Variants in KIF24 observed in about 807,000 individuals in gnomAD.
The protein encoded by KIF24 is kinesin-like protein KIF24.
KIF24 carries 81 observed loss-of-function variants against 118.9 expected under a neutral mutation model. The observed-to-expected ratio is 0.68, with a 90% CI of 0.57 to 0.82. The LOEUF (loss-of-function observed/expected upper bound fraction) is 0.82. Among genes scored for constraint, KIF24 ranks in the 40% least tolerant of loss-of-function variants. The probability of loss-of-function intolerance (pLI) is 0.00; values close to 1 mark genes in which losing one functional copy is unlikely to be tolerated. For synonymous variants in KIF24, 599 were observed against 610.0 expected (o/e 0.98, Z 0.27); for missense variants, 1,560 against 1,661.6 (o/e 0.94, Z 1.06).
intron 1 of KIF24, among the ~76,000 whole-genome samples, chr9:34,328,901 C>T (rs1174451266): frequency 1.3e-5 from 2 of 152,170 alleles, no homozygotes; most frequent in Non-Finnish European, 2.9e-5. Flanking sequence ...AAGATAATTG[C>T]TGAAGAAAAG....
At chr9:34,284,046 T>C (rs984739414) in intron 6 of KIF24, among the ~76,000 whole-genome samples, 3 of 152,006 alleles carry the variant, frequency 2.0e-5, no homozygotes, top group East Asian at 1.9e-4. Flanking sequence ...GGTGAGAGGA[T>C]TGCTTGAGCC....
At chr9:34,277,446 G>A (rs1835698193) in intron 6 of KIF24, among the ~76,000 whole-genome samples, 1 of 152,158 alleles carries the variant, frequency 6.6e-6, no homozygotes, top group Admixed American at 6.5e-5. Context: ...TGAGAGCTCA[G>A]AGAGGCCTCA....
At chr9:34,297,897 C>T (rs1836547736) in intron 3 of KIF24, among the ~76,000 whole-genome samples, 1 of 152,014 alleles carries the variant, frequency 6.6e-6, no homozygotes, top group African/African-American at 2.4e-5. Flanking sequence ...CTTGAAGGGG[C>T]CCAAGGATAT....
intron 8 of KIF24, among the ~76,000 whole-genome samples, chr9:34,266,106 T>G (rs1326581932): frequency 6.6e-6 from 1 of 152,148 alleles, no homozygotes; most frequent in Non-Finnish European, 1.5e-5. Context: ...TTGCTCAAGC[T>G]GGTCTCAAAC....
chr9:34,256,771 A>G lies in KIF24; in HGVS notation c.2836T>C (p.Phe946Leu). 6.2e-7 allele frequency: 1 copy of G among 1,613,948 alleles called. No individual in the cohort carries two copies. The highest frequency in any genetic ancestry group is 8.5e-7 in the Non-Finnish European group (1 of 1,179,882). ...AEKPYCSQVD[F>L]IYRQERGGGS... ...CCACCTCTTTCCTGTCTATATATGA[A>G]ATCTACCTGTGAACAGTATGGCTTC... The change falls in exon 11 of 13, where the codon TTC (phenylalanine) becomes CTC (leucine). Residue 946 changes from phenylalanine to leucine, a missense_variant. Phe to Leu is a conservative substitution (Grantham distance 22). Around this residue, in one of 3 missense-constraint regions of KIF24, gnomAD observed 591 missense variants for 655.6 expected, o/e 0.90. Coordinates refer to ENST00000402558, the MANE Select transcript of KIF24 (RefSeq NM_194313.4).
chr9:34,286,547 T>C, intron 6 of KIF24, 70 bp downstream of exon 6: 2 of 1,099,172 alleles, frequency 1.8e-6, no homozygotes, highest in Non-Finnish European at 2.8e-6. Context: ...ACTTGCTTAG[T>C]AGCAAAATGA....
chr9:34,302,077 C>T (rs1236787179), intron 3 of KIF24, among the ~76,000 whole-genome samples: 2 of 148,644 alleles, frequency 1.3e-5, no homozygotes, highest in Non-Finnish European at 3.0e-5. Context: ...TCACTGCAAG[C>T]TCTGCCTCCT....
At chr9:34,269,915 C>T (rs1835438085) in intron 7 of KIF24, among the ~76,000 whole-genome samples, 2 of 151,858 alleles carry the variant, frequency 1.3e-5, no homozygotes, top group Admixed American at 6.6e-5. Context: ...ACAGCAAGAC[C>T]CCATCTCTTA....
At chr9:34,315,595 A>G (rs1212181635) in intron 1 of KIF24, among the ~76,000 whole-genome samples, 1 of 152,242 alleles carries the variant, frequency 6.6e-6, no homozygotes, top group Non-Finnish European at 1.5e-5. Flanking sequence ...AGATAATGTA[A>G]GATGGTTCTG....
chr9:34,300,794 A>C (rs1042856747), intron 3 of KIF24, among the ~76,000 whole-genome samples: 1 of 151,340 alleles, frequency 6.6e-6, no homozygotes, highest in Non-Finnish European at 1.5e-5. Flanking sequence ...AATCCAAAAC[A>C]AAGAAACCCA....
chr9:34,261,119 T>C (rs7020934), intron 9 of KIF24, among the ~76,000 whole-genome samples: 56,987 of 152,034 alleles, frequency 0.37, 11,720 homozygotes, highest in East Asian at 0.89. Context: ...GGTAAGGAAC[T>C]ATGTTTTTAC....
chr9:34,329,029 C>T (rs563349998), intron 1 of KIF24, among the ~76,000 whole-genome samples, 77 bp downstream of exon 1: 2 of 152,382 alleles, frequency 1.3e-5, no homozygotes, highest in Non-Finnish European at 2.9e-5. Context: ...CGACGTCACG[C>T]GCACCCGTGT....
At chr9:34,280,267 G>C (rs183349654) in intron 6 of KIF24, among the ~76,000 whole-genome samples, 3 of 121,568 alleles carry the variant, frequency 2.5e-5, no homozygotes, top group South Asian at 5.9e-4. Flanking sequence ...CTGGGCGACA[G>C]GGCGAGACTC....
At position 34,318,797 on chromosome 9, in the gene KIF24, A is replaced by G; in HGVS notation, c.-25-7426T>C. 6.5e-7 allele frequency: 1 copy of G among 1,548,478 alleles called. No homozygotes were observed. Among genetic ancestry groups the G allele is most frequent in the Non-Finnish European group, 8.9e-7 (1 of 1,123,322 alleles). On this transcript the variant is annotated intron_variant, in intron 1 of 12. Coordinates refer to ENST00000402558, the MANE Select transcript of KIF24 (RefSeq NM_194313.4). The surrounding 1 kb of genome is among the most constrained non-coding windows in gnomAD (Gnocchi z 4.9). ...GCGCAACGTGACCTGGAAGCTGTGC[A>G]GTCGCCTGTAGGGACCCAGCTCAGT... is the stretch of plus-strand genomic sequence containing the variant.
At chr9:34,275,838 A>G (rs569974221) in intron 6 of KIF24, among the ~76,000 whole-genome samples, 3 of 148,468 alleles carry the variant, frequency 2.0e-5, no homozygotes, top group Non-Finnish European at 4.5e-5. Flanking sequence ...GTGTCTGTCT[A>G]AAAAAAAAAA....
intron 8 of KIF24, among the ~76,000 whole-genome samples, 173 bp from the exon 9 acceptor site, chr9:34,263,345 A>T (rs1287453564): frequency 6.6e-6 from 1 of 152,184 alleles, no homozygotes; most frequent in Non-Finnish European, 1.5e-5. Context: ...ACCAAGCTAG[A>T]TTGGGAAACA....
At chr9:34,301,372 C>A (rs751640738) in intron 3 of KIF24, among the ~76,000 whole-genome samples, 1 of 152,020 alleles carries the variant, frequency 6.6e-6, no homozygotes, top group Admixed American at 6.6e-5. Flanking sequence ...CTCAGCCTCC[C>A]GAGTAGCTGG....
chr9:34,332,621 G>GT (rs1246874842), upstream of KIF24, among the ~76,000 whole-genome samples: 20 of 152,140 alleles, frequency 1.3e-4, no homozygotes, highest in Non-Finnish European at 2.4e-4. Flanking sequence ...TCCCAACCTT[G>GT]TCTGACTTTG....
intron 5 of KIF24, among the ~76,000 whole-genome samples, chr9:34,289,594 A>C (rs1290433821): frequency 6.6e-6 from 1 of 152,192 alleles, no homozygotes; most frequent in Non-Finnish European, 1.5e-5. Flanking sequence ...TTTCAACCTA[A>C]ACAAAACTTC....
Sources: allele counts gnomAD v4.1 joint callset (sites outside exome capture counted in the v4.1 genomes callset), GRCh38; gene constraint gnomAD v4.1.1; regional missense constraint gnomAD v4.1.1; non-coding constraint Gnocchi (gnomAD v3.1); transcripts MANE v1.5; gene names NCBI Gene and HGNC (gene_info 2026-07-23, HGNC 2026-07-21).